PTPRD: variants seen among roughly 807,000 people sequenced by gnomAD.
PTPRD encodes protein tyrosine phosphatase receptor type D, also known as receptor-type tyrosine-protein phosphatase delta.
In PTPRD, 34 loss-of-function variants were observed where a neutral mutation model predicts 214.5. That is an observed-to-expected ratio of 0.16 (90% CI 0.12 to 0.21). The LOEUF (loss-of-function observed/expected upper bound fraction) is 0.21. PTPRD is among the 10% of genes least tolerant of loss of function. The pLI, the probability that PTPRD is intolerant of heterozygous loss-of-function variation, is 1.00. For synonymous variants in PTPRD, 1,128 were observed against 845.7 expected, an observed-to-expected ratio of 1.33 and a Z score of -5.79; for missense variants, 2,545 against 2,398.7, an observed-to-expected ratio of 1.06 and a Z score of -1.27.
intron 3 of PTPRD, among the ~76,000 whole-genome samples, chr9:10,259,045 C>G (rs1012889733): frequency 6.6e-6 from 1 of 151,712 alleles, no homozygotes; most frequent in Non-Finnish European, 1.5e-5. Flanking sequence ...GTTTTTGAGA[C>G]GGAGTCTCAC....
intron 12 of PTPRD, among the ~76,000 whole-genome samples, chr9:8,640,570 A>C (rs936421808): frequency 1.3e-5 from 2 of 151,138 alleles, no homozygotes; most frequent in East Asian, 1.9e-4. Flanking sequence ...ACAAAAAAAA[A>C]AAAAACAAAA....
chr9:9,792,024 T>C (rs894253654), intron 5 of PTPRD, among the ~76,000 whole-genome samples: 1 of 152,160 alleles, frequency 6.6e-6, no homozygotes, highest in Non-Finnish European at 1.5e-5. Context: ...AAAACTTAAG[T>C]CTTATCATTT....
chr9:10,223,258 G>A (rs1462321295), intron 3 of PTPRD, among the ~76,000 whole-genome samples: 1 of 148,146 alleles, frequency 6.8e-6, no homozygotes, highest in East Asian at 2.0e-4. Context: ...TGTTTCTTCT[G>A]TACCTTTTAC....
intron 2 of PTPRD, among the ~76,000 whole-genome samples, chr9:10,483,016 G>T (rs577336782): frequency 3.3e-5 from 5 of 152,132 alleles, no homozygotes; most frequent in African/African-American, 9.6e-5. Flanking sequence ...TGGAGGCATC[G>T]TATGACTCAA....
intron 12 of PTPRD, among the ~76,000 whole-genome samples, chr9:8,653,630 C>G (rs2096855460): frequency 6.6e-6 from 1 of 152,110 alleles, no homozygotes; most frequent in South Asian, 2.1e-4. Context: ...ACAGCCTCAA[C>G]TATACCCCTC....
At chr9:8,671,089 G>C (rs995544946) in intron 12 of PTPRD, among the ~76,000 whole-genome samples, 1 of 152,104 alleles carries the variant, frequency 6.6e-6, no homozygotes, top group Non-Finnish European at 1.5e-5. Flanking sequence ...TATACAGTGT[G>C]CTTGGAGAGT....
chr9:8,833,189 G>C (rs941655207), intron 11 of PTPRD, among the ~76,000 whole-genome samples: 17 of 152,068 alleles, frequency 1.1e-4, no homozygotes, highest in Non-Finnish European at 1.6e-4. Flanking sequence ...TTTCTCTTCT[G>C]ACTCATTGTA....
At chr9:8,602,846 C>A (rs919906826) in intron 14 of PTPRD, among the ~76,000 whole-genome samples, 1 of 152,198 alleles carries the variant, frequency 6.6e-6, no homozygotes, top group Admixed American at 6.5e-5. Context: ...TGTATCCTAG[C>A]TTTAATTCCA....
In PTPRD at chr9:8,463,308, C is replaced by CAAAA. The variant is rs71308864; in HGVS notation, c.3714+2154_3714+2157dup. On this transcript the variant is annotated intron_variant, in intron 32 of 45. Coordinates refer to ENST00000381196, the MANE Select transcript of PTPRD (RefSeq NM_002839.4). ...TATGTCCAAGCTTCTCAGAGGCAGCCAAAAAAAAAAAAAAAAAAAAAAAAA... is the reference window on the plus strand; with the variant it reads ...TATGTCCAAGCTTCTCAGAGGCAGCCAAAAAAAAAAAAAAAAAAAAAAAAAAAAA... Among the ~76,000 whole-genome samples the CAAAA allele has an allele frequency of 5.5e-4, 16 of 28,862 alleles. 2 individuals are homozygous for CAAAA. The highest frequency in any genetic ancestry group is 1.2e-3 in the African/African-American group (12 of 10,212). The allele number at this position is 28,862 out of a possible 152,430, so 18.9% of individuals were successfully genotyped here.
intron 23 of PTPRD, 103 bp downstream of exon 23, chr9:8,504,158 C>T (rs2097486407): frequency 2.5e-6 from 3 of 1,177,000 alleles, no homozygotes; most frequent in African/African-American, 3.0e-5. Context: ...TAGAGACTAA[C>T]TATTAAGCAT....
At chr9:8,346,755 A>G (rs2073938522) in intron 39 of PTPRD, among the ~76,000 whole-genome samples, 2 of 152,160 alleles carry the variant, frequency 1.3e-5, no homozygotes, top group Admixed American at 6.6e-5. Flanking sequence ...AAGCAGCTGC[A>G]AAGTGCTTCC....
chr9:10,253,643 T>C (rs2092989166), intron 3 of PTPRD, among the ~76,000 whole-genome samples: 1 of 152,178 alleles, frequency 6.6e-6, no homozygotes, highest in Non-Finnish European at 1.5e-5. Flanking sequence ...AAAAATCTGT[T>C]GGACGAAGGA....
At chr9:9,522,227 C>T (rs189440202) in intron 8 of PTPRD, among the ~76,000 whole-genome samples, 5 of 150,822 alleles carry the variant, frequency 3.3e-5, no homozygotes, top group Admixed American at 2.6e-4. Context: ...AGTTGACAAC[C>T]TTTAATTTAG....
intron 10 of PTPRD, among the ~76,000 whole-genome samples, chr9:9,138,875 A>C (rs952226851): frequency 6.6e-6 from 1 of 152,192 alleles, no homozygotes; most frequent in Non-Finnish European, 1.5e-5. Flanking sequence ...CTAGGCTAAA[A>C]TTACAGTTTT....
At chr9:9,397,918 TA>T (rs925195730) in intron 8 of PTPRD, among the ~76,000 whole-genome samples, 1 of 151,968 alleles carries the variant, frequency 6.6e-6, no homozygotes, top group African/African-American at 2.4e-5. Flanking sequence ...GTTGCCTACC[TA>T]AAACAAACTA....
chr9:9,255,164 T>A (rs1414545821), intron 9 of PTPRD, among the ~76,000 whole-genome samples: 1 of 152,080 alleles, frequency 6.6e-6, no homozygotes, highest in Non-Finnish European at 1.5e-5. Flanking sequence ...ACATCTGTAG[T>A]TCATTGCCAC....
intron 10 of PTPRD, among the ~76,000 whole-genome samples, chr9:9,066,483 A>G (rs927655442): frequency 8.5e-5 from 13 of 152,180 alleles, no homozygotes; most frequent in African/African-American, 2.9e-4. Flanking sequence ...GGCTAAAAAA[A>G]TGGTCTCCCA....
At chr9:9,703,790 G>C (rs934642496) in intron 7 of PTPRD, among the ~76,000 whole-genome samples, 1 of 152,142 alleles carries the variant, frequency 6.6e-6, no homozygotes, top group Non-Finnish European at 1.5e-5. Context: ...AAGAGTTGAA[G>C]TTAGTTAGAA....
chr9:10,545,530 T>C (rs2059997405), intron 2 of PTPRD, among the ~76,000 whole-genome samples: 1 of 152,160 alleles, frequency 6.6e-6, no homozygotes. Context: ...TATTTATTGA[T>C]TGATTTTGTA....
Sources: allele counts gnomAD v4.1 joint callset (sites outside exome capture counted in the v4.1 genomes callset), GRCh38; gene constraint gnomAD v4.1.1; transcripts MANE v1.5; gene names NCBI Gene and HGNC (gene_info 2026-07-23, HGNC 2026-07-21).